The following SLC9C1 variants were observed in gnomAD, a reference collection of about 807,000 sequenced individuals.
SLC9C1 encodes the protein solute carrier family 9 member C1.
Under a neutral mutation model 140.9 loss-of-function variants are expected in SLC9C1, and 97 were observed. That is an observed-to-expected ratio of 0.69 (90% CI 0.58 to 0.82). SLC9C1 has a LOEUF of 0.82. Among genes scored for constraint, SLC9C1 ranks in the 40% least tolerant of loss-of-function variants. SLC9C1 has a pLI of 0.00. For synonymous variants in SLC9C1, 440 were observed against 442.6 expected (o/e 0.99, Z 0.07); for missense variants, 1,340 against 1,389.3 (o/e 0.96, Z 0.56).
intron 2 of SLC9C1, 111 bp downstream of exon 2, chr3:112,286,593 G>A (rs902596362): frequency 4.5e-6 from 4 of 892,050 alleles, no homozygotes; most frequent in Non-Finnish European, 6.5e-6. Context: ...AAAGGTATAA[G>A]TTTGAGAACA....
At position 112,202,320 on chromosome 3, in the gene SLC9C1, C is replaced by A; in HGVS notation, c.2252G>T (p.Gly751Val). Residue 751 changes from glycine (G) to valine (V), a missense_variant, in exon 18 of 29, where the codon GGC becomes GTC. Gly to Val is a moderately radical substitution (Grantham distance 109). Transcript: ENST00000305815. ...QKTFWYGILKGYVQGEADIMT... is the reference protein window; with the variant it reads ...QKTFWYGILKVYVQGEADIMT... Reference sequence around the variant, plus strand: ...TATGTCTGCTTCGCCTTGGACATAGCCTTTTAGTATTCCATACCAAAAGGT... The same window carrying A: ...TATGTCTGCTTCGCCTTGGACATAGACTTTTAGTATTCCATACCAAAAGGT... The A allele has an allele frequency of 6.2e-7, 1 of 1,611,076 alleles. No homozygotes were observed. Among genetic ancestry groups the A allele is most frequent in the Non-Finnish European group, 8.5e-7 (1 of 1,178,832 alleles).
intron 11 of SLC9C1, among the ~76,000 whole-genome samples, chr3:112,241,355 CA>C (rs58072882): frequency 0.44 from 44,889 of 101,746 alleles, 7,191 homozygotes; most frequent in East Asian, 0.59. Flanking sequence ...AAAATAGCCA[CA>C]AAAAAAGAGA....
intron 20 of SLC9C1, among the ~76,000 whole-genome samples, chr3:112,197,646 C>T (rs9288937): frequency 0.29 from 44,697 of 152,024 alleles, 6,765 homozygotes; most frequent in Admixed American, 0.33. Flanking sequence ...ATAGTTACAT[C>T]AGACAGATTT....
At chr3:112,234,964 T>A (rs2078944815) in intron 12 of SLC9C1, among the ~76,000 whole-genome samples, 1 of 151,940 alleles carries the variant, frequency 6.6e-6, no homozygotes, top group African/African-American at 2.4e-5. Flanking sequence ...ATGTGGGCTC[T>A]TTTTTGGTTC....
intron 2 of SLC9C1, among the ~76,000 whole-genome samples, chr3:112,283,989 G>A (rs937468036): frequency 1.3e-5 from 2 of 152,070 alleles, no homozygotes; most frequent in African/African-American, 2.4e-5. Context: ...TTGCCTCCGC[G>A]ACCCCAAGGA....
chr3:112,212,342 C>T (rs1344327047), intron 15 of SLC9C1, among the ~76,000 whole-genome samples: 2 of 152,186 alleles, frequency 1.3e-5, no homozygotes, highest in African/African-American at 2.4e-5. Flanking sequence ...AGCAACAGAA[C>T]AAAGCCGGAT....
chr3:112,279,960 T>G (rs548980686), intron 3 of SLC9C1, among the ~76,000 whole-genome samples: 1 of 152,356 alleles, frequency 6.6e-6, no homozygotes, highest in East Asian at 1.9e-4. Context: ...GGTCTCTTCC[T>G]TTGCAGGAGT....
At chr3:112,151,277 G>A in intron 28 of SLC9C1, 1 of 509,206 alleles carries the variant, frequency 2.0e-6, no homozygotes, top group South Asian at 1.5e-5. Context: ...ATTTTGAACA[G>A]TTAACTGTCG....
At chr3:112,191,733 T>G (rs573965957) in intron 20 of SLC9C1, among the ~76,000 whole-genome samples, 1 of 152,160 alleles carries the variant, frequency 6.6e-6, no homozygotes, top group Non-Finnish European at 1.5e-5. Context: ...TCTTTGCTTT[T>G]TTGGAGGAGT....
At chr3:112,182,097 A>T in intron 21 of SLC9C1, 36 bp downstream of exon 21, 1 of 1,340,322 alleles carries the variant, frequency 7.5e-7, no homozygotes, top group Non-Finnish European at 1.0e-6. Flanking sequence ...TTGTTAGTAC[A>T]TTAAAAATAT....
chr3:112,188,089 A>G (rs1224916515), intron 20 of SLC9C1, among the ~76,000 whole-genome samples: 1 of 152,180 alleles, frequency 6.6e-6, no homozygotes, highest in African/African-American at 2.4e-5. Flanking sequence ...TGGCCATACT[A>G]CAATTTATAT....
At chr3:112,167,374 T>C in intron 25 of SLC9C1, 27 bp from the exon 26 acceptor site, 1 of 1,555,726 alleles carries the variant, frequency 6.4e-7, no homozygotes, top group South Asian at 1.2e-5. Context: ...TGCAAGTTAA[T>C]TTCTGAGCAA....
intron 20 of SLC9C1, among the ~76,000 whole-genome samples, chr3:112,189,257 G>T (rs914915803): frequency 2.5e-4 from 38 of 152,066 alleles, no homozygotes; most frequent in South Asian, 6.2e-4. Context: ...GTCAATTTTG[G>T]CTTTTGTTGC....
At position 112,179,623 on chromosome 3, in the gene SLC9C1, C is replaced by T; in HGVS notation, c.2827G>A (p.Asp943Asn). The part of the protein sequence containing the change: ...KEKDFPIIDT[D>N]YMLSGEIIGE... Reference sequence around the variant, plus strand: ...ATTATTTCTCCACTGAGCATATAGTCTGTGTCAATTATCGGAAAATCTTTC... The same window carrying T: ...ATTATTTCTCCACTGAGCATATAGTTTGTGTCAATTATCGGAAAATCTTTC... Residue 943 changes from aspartate (D) to asparagine (N), a missense_variant, in exon 23 of 29, where the codon GAC becomes AAC. Transcript: ENST00000305815. 1 of 1,611,706 alleles carries T rather than the reference C, an allele frequency of 6.2e-7. No individual in the cohort carries two copies. The highest frequency in any genetic ancestry group is 8.5e-7 in the Non-Finnish European group (1 of 1,179,030).
At chr3:112,260,930 A>G (rs931069839) in intron 10 of SLC9C1, among the ~76,000 whole-genome samples, 2 of 152,150 alleles carry the variant, frequency 1.3e-5, no homozygotes, top group South Asian at 4.1e-4. Flanking sequence ...TCCTTTTTCT[A>G]CACAATTCTT....
chr3:112,214,504 G>T (rs1408919709), intron 15 of SLC9C1, among the ~76,000 whole-genome samples: 3 of 152,024 alleles, frequency 2.0e-5, no homozygotes, highest in Non-Finnish European at 4.4e-5. Flanking sequence ...TCAAATAGAT[G>T]CAATAAAAAA....
At chr3:112,164,164 G>A (rs150255191) in intron 26 of SLC9C1, among the ~76,000 whole-genome samples, 8,156 of 151,748 alleles carry the variant, frequency 0.054, 269 homozygotes, top group South Asian at 0.084. Flanking sequence ...GCCTATGTGT[G>A]TCTCTGCACG....
intron 10 of SLC9C1, among the ~76,000 whole-genome samples, chr3:112,251,755 G>T (rs750780034): frequency 1.3e-4 from 20 of 151,438 alleles, no homozygotes; most frequent in Non-Finnish European, 2.7e-4. Context: ...CAGCTGCCCT[G>T]TGGAAGAGTA....
intron 28 of SLC9C1, among the ~76,000 whole-genome samples, chr3:112,142,431 T>C (rs1449858256): frequency 6.6e-6 from 1 of 152,184 alleles, no homozygotes; most frequent in Non-Finnish European, 1.5e-5. Context: ...AGTAAAGATA[T>C]TGATCTTATT....
Sources: allele counts gnomAD v4.1 joint callset (sites outside exome capture counted in the v4.1 genomes callset), GRCh38; gene constraint gnomAD v4.1.1; transcripts MANE v1.5; gene names NCBI Gene and HGNC (gene_info 2026-07-23, HGNC 2026-07-21).